The following NUP58 variants were observed in gnomAD, a reference collection of about 807,000 sequenced individuals.
NUP58 encodes nucleoporin p58/p45.
A neutral mutation model predicts 70.1 loss-of-function variants in NUP58; 17 were observed. The ratio of observed to expected loss-of-function variants is 0.24; its 90% CI spans 0.17 to 0.36. The LOEUF is 0.36. Among genes scored for constraint, NUP58 ranks in the 10% least tolerant of loss-of-function variants. The pLI is 1.00. For missense variants in NUP58, 644 were observed against 701.5 expected, an observed-to-expected ratio of 0.92 and a Z score of 0.93; for synonymous variants, 275 against 257.6, an observed-to-expected ratio of 1.07 and a Z score of -0.65.
At chr13:25,313,804 C>G in intron 5 of NUP58, 53 bp downstream of exon 5, 1 of 1,379,328 alleles carries the variant, frequency 7.2e-7, no homozygotes, top group Non-Finnish European at 9.6e-7. Context: ...TTTAAATGTA[C>G]TTATTTTTAT....
At chr13:25,331,668 C>G in intron 13 of NUP58, 110 bp downstream of exon 13, 1 of 1,500,012 alleles carries the variant, frequency 6.7e-7, no homozygotes, top group East Asian at 2.5e-5. Flanking sequence ...CTATGAGTAG[C>G]TGTTCCAATA....
intron 13 of NUP58, chr13:25,332,829 C>A: frequency 3.0e-6 from 3 of 985,362 alleles, no homozygotes; most frequent in Non-Finnish European, 3.6e-6. Flanking sequence ...GGGATTGATT[C>A]CTTTGAGGAT....
intron 13 of NUP58, chr13:25,333,017 C>A: frequency 5.1e-6 from 5 of 984,096 alleles, no homozygotes; most frequent in Non-Finnish European, 6.0e-6. Flanking sequence ...AATTTCCATT[C>A]TATTAAATAG....
chr13:25,307,798 T>C lies in NUP58; in HGVS notation c.108-8T>C. 1 of 1,613,464 alleles carries C rather than the reference T, an allele frequency of 6.2e-7. No homozygotes were observed. The highest frequency in any genetic ancestry group is 8.5e-7 in the Non-Finnish European group (1 of 1,179,794). ...GATTTTTGTTTTGTTTTTGTTTCTT[T>C]AAATAAGCAACCCTTCTGTGGGGCT... On this transcript the variant is annotated splice_polypyrimidine_tract_variant and splice_region_variant and intron_variant, in intron 1 of 15. Coordinates refer to ENST00000381736, the MANE Select transcript of NUP58 (RefSeq NM_014089.4).
intron 13 of NUP58, chr13:25,334,939 T>C (rs527248396): frequency 2.9e-5 from 29 of 984,966 alleles, no homozygotes; most frequent in Non-Finnish European, 3.5e-5. Context: ...TGGATGACTA[T>C]TCAAATTTCA....
At chr13:25,332,457 TTTC>T in intron 13 of NUP58, 1 of 984,014 alleles carries the variant, frequency 1.0e-6, no homozygotes, top group Non-Finnish European at 1.2e-6. Flanking sequence ...CATTCATAAA[TTTC>T]TTAGTAATGC....
In NUP58 at chr13:25,315,376, A is replaced by T; in HGVS notation, c.594A>T (p.Leu198Phe). 1 of 1,613,650 alleles carries T rather than the reference A, an allele frequency of 6.2e-7. No homozygotes were observed. Among genetic ancestry groups the T allele is most frequent in the Non-Finnish European group, 8.5e-7 (1 of 1,179,624 alleles). ...TTATAGGACTTGGACAGAATGCTTT[A>T]GGGTTGACTTTGGGAACTACAGCAG... is the stretch of plus-strand genomic sequence containing the variant. ...TGTSGLGQNALGLTLGTTAAT... is the reference protein window; with the variant it reads ...TGTSGLGQNAFGLTLGTTAAT... The change falls in exon 6 of 16, where the codon TTA becomes TTT. Residue 198 changes from leucine (L) to phenylalanine (F), a missense_variant. Transcript: ENST00000381736.
At chr13:25,320,671 C>G in intron 8 of NUP58, 76 bp downstream of exon 8, 2 of 1,086,586 alleles carry the variant, frequency 1.8e-6, no homozygotes, top group Non-Finnish European at 2.7e-6. Flanking sequence ...ATCTCTTCCT[C>G]CTAAAATCGC....
intron 3 of NUP58, chr13:25,310,045 C>A: frequency 2.5e-6 from 1 of 396,894 alleles, no homozygotes; most frequent in Admixed American, 3.0e-5. Flanking sequence ...TTCTTTTTTG[C>A]TTTTTTTTCC....
intron 1 of NUP58, among the ~76,000 whole-genome samples, chr13:25,307,225 T>TTTG (rs2030411097): frequency 6.9e-6 from 1 of 144,952 alleles, no homozygotes. Context: ...TTTTTTTTTT[T>TTTG]TTTTTTTGAG....
At chr13:25,305,302 C>T (rs2030292119) in intron 1 of NUP58, among the ~76,000 whole-genome samples, 1 of 151,852 alleles carries the variant, frequency 6.6e-6, no homozygotes, top group Non-Finnish European at 1.5e-5. Flanking sequence ...TGTGCATTGG[C>T]ACGCCTGGCT....
At chr13:25,314,187 C>T (rs1356408802) in intron 5 of NUP58, among the ~76,000 whole-genome samples, 1 of 151,972 alleles carries the variant, frequency 6.6e-6, no homozygotes, top group East Asian at 1.9e-4. Context: ...GCTGCCTTGG[C>T]CTCCCAAAGT....
Position 25,315,338 on chromosome 13 carries a change from A to G in NUP58, c.575-19A>G. The G allele has an allele frequency of 6.5e-7, 1 of 1,548,434 alleles. No individual in the cohort carries two copies. Among genetic ancestry groups the G allele is most frequent in the South Asian group, 1.1e-5 (1 of 88,174 alleles). ...TTGTAGTCTTTTGATGGAATTTATAAGTTATGTTTTATTTATAGGACTTGG... is the reference window on the plus strand; with the variant it reads ...TTGTAGTCTTTTGATGGAATTTATAGGTTATGTTTTATTTATAGGACTTGG... On this transcript the variant is annotated intron_variant, in intron 5 of 15. Coordinates refer to ENST00000381736, the MANE Select transcript of NUP58 (RefSeq NM_014089.4).
At chr13:25,309,095 G>A in intron 2 of NUP58, 152 bp from the exon 3 acceptor site, 1 of 610,720 alleles carries the variant, frequency 1.6e-6, no homozygotes, top group Non-Finnish European at 2.9e-6. Flanking sequence ...GGAAAAATGC[G>A]TGATTAGTGG....
chr13:25,346,109 A>G (rs536117046), downstream of NUP58, among the ~76,000 whole-genome samples: 1 of 152,334 alleles, frequency 6.6e-6, no homozygotes, highest in African/African-American at 2.4e-5. Flanking sequence ...TGTGTGATCC[A>G]CTGCTGGGAA....
At chr13:25,345,573 G>A (rs1468813411), downstream of NUP58, among the ~76,000 whole-genome samples, 2 of 24,422 alleles carry the variant, frequency 8.2e-5, no homozygotes, top group African/African-American at 1.2e-4. Context: ...GCAACTGGAT[G>A]ATGGGGGCGG....
chr13:25,314,770 C>T (rs1292355744), intron 5 of NUP58, among the ~76,000 whole-genome samples: 1 of 152,124 alleles, frequency 6.6e-6, no homozygotes, highest in East Asian at 1.9e-4. Flanking sequence ...GCTTGACTCA[C>T]AAGTGTACGT....
At chr13:25,327,403 G>C in intron 11 of NUP58, 27 bp from the exon 12 acceptor site, 1 of 1,384,842 alleles carries the variant, frequency 7.2e-7, no homozygotes, top group Non-Finnish European at 1.0e-6. Flanking sequence ...GTATATATTT[G>C]GGTGATAATG....
chr13:25,313,922 TTTTA>T (rs1256019715), intron 5 of NUP58, among the ~76,000 whole-genome samples, 171 bp downstream of exon 5: 6 of 152,106 alleles, frequency 3.9e-5, no homozygotes, highest in African/African-American at 9.7e-5. Flanking sequence ...ATTAACCGTA[TTTTA>T]TTTATTTATT....
Sources: allele counts gnomAD v4.1 joint callset (sites outside exome capture counted in the v4.1 genomes callset), GRCh38; gene constraint gnomAD v4.1.1; transcripts MANE v1.5; gene names NCBI Gene and HGNC (gene_info 2026-07-23, HGNC 2026-07-21).